Variants in LRP1B observed in about 807,000 individuals in gnomAD.
LRP1B encodes the protein LDL receptor related protein 1B, also known as low-density lipoprotein receptor-related protein 1B.
Under a neutral mutation model 556.6 loss-of-function variants are expected in LRP1B, and 217 were observed. The ratio of observed to expected loss-of-function variants is 0.39; its 90% CI spans 0.35 to 0.44. The LOEUF (loss-of-function observed/expected upper bound fraction) is 0.44, where lower values mean the gene tolerates loss of function less well. Among genes scored for constraint, LRP1B ranks in the 20% least tolerant of loss-of-function variants. LRP1B has a pLI of 1.00. For missense variants in LRP1B, 5,053 were observed against 5,620.8 expected, an observed-to-expected ratio of 0.90 and a Z score of 3.23; for synonymous variants, 2,047 against 1,865.8, an observed-to-expected ratio of 1.10 and a Z score of -2.50.
chr2:140,456,718 G>T, intron 61 of LRP1B, 115 bp from the exon 62 acceptor site: 1 of 882,556 alleles, frequency 1.1e-6, no homozygotes, highest in African/African-American at 1.7e-5. Flanking sequence ...ATAAATCTTT[G>T]TACTCAAGAA....
At chr2:140,975,372 TG>T (rs1341652341) in intron 18 of LRP1B, among the ~76,000 whole-genome samples, 1 of 152,188 alleles carries the variant, frequency 6.6e-6, no homozygotes, top group African/African-American at 2.4e-5. Flanking sequence ...GCATTTCTCA[TG>T]TGTCAGAGGA....
intron 1 of LRP1B, among the ~76,000 whole-genome samples, chr2:141,912,117 C>T (rs1574486408): frequency 6.6e-6 from 1 of 152,178 alleles, no homozygotes; most frequent in South Asian, 2.1e-4. Flanking sequence ...ATGACTTCAA[C>T]TCTGTCACAT....
intron 3 of LRP1B, among the ~76,000 whole-genome samples, chr2:141,377,455 A>C (rs999192675): frequency 6.6e-5 from 10 of 152,068 alleles, no homozygotes; most frequent in African/African-American, 2.4e-4. Context: ...AGTAGTTTAA[A>C]GACAGGTTCT....
At chr2:141,551,219 T>A (rs1397919594) in intron 2 of LRP1B, among the ~76,000 whole-genome samples, 1 of 151,926 alleles carries the variant, frequency 6.6e-6, no homozygotes, top group Non-Finnish European at 1.5e-5. Flanking sequence ...AATAAAATAA[T>A]TGTGATAAAT....
Position 140,618,119 on chromosome 2 carries a change from A to G in LRP1B, c.6800-16480T>C, listed in dbSNP as rs57082344. Among the ~76,000 whole-genome samples, 994 of 152,160 alleles carry G rather than the reference A, an allele frequency of 6.5e-3. 13 individuals carry two copies. The highest frequency in any genetic ancestry group is 0.022 in the African/African-American group (905 of 41,566). On this transcript the variant is annotated intron_variant, in intron 41 of 90. Coordinates refer to ENST00000389484, the MANE Select transcript of LRP1B (RefSeq NM_018557.3). ...ATAATAATTGAAAAAACAGATGTTA[A>G]AAGATTTACAGTCAAAAGTGTATTG...
chr2:141,275,955 A>G (rs574435092), intron 3 of LRP1B, among the ~76,000 whole-genome samples: 2 of 152,260 alleles, frequency 1.3e-5, no homozygotes, highest in East Asian at 1.9e-4. Context: ...TTTTATTTCA[A>G]AACTGATTAA....
chr2:142,109,347 A>G (rs1254612026), intron 1 of LRP1B, among the ~76,000 whole-genome samples: 1 of 152,170 alleles, frequency 6.6e-6, no homozygotes, highest in Non-Finnish European at 1.5e-5. Context: ...TGTCAGGTAA[A>G]CATGGCTCCC....
intron 1 of LRP1B, among the ~76,000 whole-genome samples, chr2:142,101,520 A>G (rs1706567761): frequency 6.6e-6 from 1 of 152,050 alleles, no homozygotes; most frequent in Non-Finnish European, 1.5e-5. Flanking sequence ...TCCTGATGAT[A>G]TAGGATTCTA....
intron 21 of LRP1B, among the ~76,000 whole-genome samples, chr2:140,916,995 T>C (rs1482427482): frequency 6.6e-6 from 1 of 152,298 alleles, no homozygotes; most frequent in South Asian, 2.1e-4. Flanking sequence ...TACAGAAATA[T>C]CATGTTTGCA....
chr2:141,411,882 T>C (rs1690866010), intron 3 of LRP1B, among the ~76,000 whole-genome samples: 1 of 152,184 alleles, frequency 6.6e-6, no homozygotes, highest in Non-Finnish European at 1.5e-5. Context: ...GAATGTGTGA[T>C]AAGAATTTTT....
chr2:140,961,532 C>T (rs1215940253), intron 18 of LRP1B, among the ~76,000 whole-genome samples: 1 of 152,002 alleles, frequency 6.6e-6, no homozygotes, highest in Non-Finnish European at 1.5e-5. Context: ...TACTAAAACA[C>T]AAGCAATATT....
At chr2:141,071,041 A>G (rs894253133) in intron 7 of LRP1B, among the ~76,000 whole-genome samples, 2 of 152,114 alleles carry the variant, frequency 1.3e-5, no homozygotes, top group African/African-American at 4.8e-5. Context: ...AGCCGGGCAG[A>G]GACACAACCA....
At chr2:141,412,015 A>G (rs943264006) in intron 3 of LRP1B, among the ~76,000 whole-genome samples, 2 of 152,114 alleles carry the variant, frequency 1.3e-5, no homozygotes, top group African/African-American at 2.4e-5. Context: ...ATAAAAAGGA[A>G]CTATTACATT....
Position 140,841,082 on chromosome 2 carries a change from A to C in LRP1B, c.4950T>G (p.Ser1650Arg), listed in dbSNP as rs1213627027. 4.4e-6 allele frequency: 7 copies of C among 1,606,322 alleles called. No individual in the cohort carries two copies. Among genetic ancestry groups the C allele is most frequent in the Non-Finnish European group, 6.0e-6 (7 of 1,175,582 alleles). Residue 1650 changes from serine (S) to arginine (R), a missense_variant, in exon 30 of 91, where the codon AGT becomes AGG. Ser to Arg is a moderately radical substitution (Grantham distance 110, BLOSUM62 -1). Around this residue, in one of 5 missense-constraint regions of LRP1B, gnomAD observed 3,619 missense variants for 3,931.9 expected, o/e 0.92. Coordinates refer to ENST00000389484, the MANE Select transcript of LRP1B (RefSeq NM_018557.3). ...CCCAATCCACTGCTAGCCCTCTGAT[A>C]CTCTGAATATCTATAAAACAGGAAA... ...LETVISRDIQ[S>R]IRGLAVDWVS...
At chr2:140,520,456 G>C (rs1200543722) in intron 49 of LRP1B, among the ~76,000 whole-genome samples, 3 of 152,028 alleles carry the variant, frequency 2.0e-5, no homozygotes, top group East Asian at 3.9e-4. Flanking sequence ...GGTCTGTTTT[G>C]GGGTTGGGGG....
intron 1 of LRP1B, among the ~76,000 whole-genome samples, chr2:142,116,066 A>C (rs993809143): frequency 2.0e-5 from 3 of 147,326 alleles, no homozygotes; most frequent in Non-Finnish European, 4.5e-5. Context: ...AAAATACAAA[A>C]ATTATCTGGG....
At chr2:140,882,039 T>G (rs1559172894) in intron 25 of LRP1B, among the ~76,000 whole-genome samples, 1 of 152,212 alleles carries the variant, frequency 6.6e-6, no homozygotes, top group Non-Finnish European at 1.5e-5. Flanking sequence ...GGTTTTTTGT[T>G]TGTTTTCTGT....
At chr2:140,981,719 G>T (rs1025338) in intron 18 of LRP1B, among the ~76,000 whole-genome samples, 42,454 of 151,944 alleles carry the variant, frequency 0.28, 6,278 homozygotes, top group East Asian at 0.58. Flanking sequence ...TACCAATTAT[G>T]TAATCTCAGT....
intron 41 of LRP1B, among the ~76,000 whole-genome samples, chr2:140,612,578 C>T (rs577513318): frequency 6.6e-6 from 1 of 152,146 alleles, no homozygotes; most frequent in Non-Finnish European, 1.5e-5. Flanking sequence ...GCTTGGTATG[C>T]ATCCTCTCTC....
Sources: allele counts gnomAD v4.1 joint callset (sites outside exome capture counted in the v4.1 genomes callset), GRCh38; gene constraint gnomAD v4.1.1; regional missense constraint gnomAD v4.1.1; transcripts MANE v1.5; gene names NCBI Gene and HGNC (gene_info 2026-07-23, HGNC 2026-07-21).